The following MED13 variants were observed in gnomAD, a reference collection of about 807,000 sequenced individuals.
The protein encoded by MED13 is mediator complex subunit 13.
MED13 carries 23 observed loss-of-function variants against 225.2 expected under a neutral mutation model. That is an observed-to-expected ratio of 0.10 (90% CI 0.07 to 0.14). The LOEUF is 0.14. MED13 is among the 10% of genes least tolerant of loss of function. MED13 has a pLI of 1.00. For missense variants in MED13, 2,197 were observed against 2,594.5 expected (o/e 0.85, Z 3.33); for synonymous variants, 942 against 889.2 (o/e 1.06, Z -1.06).
rs942639453 is a variant in MED13, at chr17:61,992,453, A to C, written c.2263+87T>G. 1.3e-5 allele frequency: 10 copies of C among 762,290 alleles called. No homozygotes were observed. The African/African-American group carries it at 1.7e-4, about 13-fold the overall frequency. 47.2% of individuals were successfully genotyped at this position (762,290 alleles called of 1,614,324 possible). ...ATGAAACATAATGAATTATACAAAAAGGAACATTAGAAGTCCAACAATATC... is the reference window on the plus strand; with the variant it reads ...ATGAAACATAATGAATTATACAAAACGGAACATTAGAAGTCCAACAATATC... On this transcript the variant is annotated intron_variant, in intron 11 of 29. Coordinates refer to ENST00000397786, the MANE Select transcript of MED13 (RefSeq NM_005121.3).
At chr17:62,032,339 T>C (rs1397382974) in intron 5 of MED13, 1 of 152,022 alleles carries the variant, frequency 6.6e-6, no homozygotes, top group Admixed American at 6.6e-5. Context: ...CTGGGCGTGG[T>C]GGCAGGCACC....
At position 61,946,384 on chromosome 17, in the gene MED13, C is replaced by A. The variant is rs1423925369; in HGVS notation, c.*84G>T. 2.0e-6 allele frequency: 3 copies of A among 1,485,890 alleles called. No individual in the cohort carries two copies. The highest frequency in any genetic ancestry group is 2.8e-5 in the African/African-American group (2 of 71,160). 92.0% of individuals were successfully genotyped at this position (1,485,890 alleles called of 1,614,324 possible). A position where few individuals can be genotyped will look rare whatever the true frequency, so the allele number is the denominator to read the frequency against. On this transcript the variant is annotated 3_prime_UTR_variant, in exon 30 of 30. Coordinates refer to ENST00000397786, the MANE Select transcript of MED13 (RefSeq NM_005121.3). ...TAGACCCCATCACAAATGACCTTCA[C>A]TGAGAAGATAATTGTAACTTAATCC...
intron 8 of MED13, among the ~76,000 whole-genome samples, chr17:62,014,295 G>T (rs2080540291): frequency 7.4e-6 from 1 of 135,314 alleles, no homozygotes; most frequent in Admixed American, 7.0e-5. Context: ...ATGATGGGAA[G>T]TTCTGTATAT....
chr17:61,996,005 C>T (rs1312460145), intron 9 of MED13, among the ~76,000 whole-genome samples: 7 of 152,142 alleles, frequency 4.6e-5, no homozygotes, highest in Non-Finnish European at 8.8e-5. Context: ...TGGTTCAACA[C>T]AGCAACTAAG....
At chr17:62,064,952 G>A (rs2081069600) in intron 1 of MED13, among the ~76,000 whole-genome samples, 188 bp downstream of exon 1, 1 of 152,206 alleles carries the variant, frequency 6.6e-6, no homozygotes, top group Non-Finnish European at 1.5e-5. Flanking sequence ...CCCCTAAACA[G>A]AGCCCGGGAC....
chr17:62,014,963 C>T (rs1028020155), intron 8 of MED13, among the ~76,000 whole-genome samples: 1 of 152,096 alleles, frequency 6.6e-6, no homozygotes, highest in Admixed American at 6.6e-5. Context: ...TTAAATTACA[C>T]TGAAAGAAGT....
chr17:62,031,646 G>GA lies in MED13; in HGVS notation c.815-9dup, dbSNP rs756592948. The GA allele has an allele frequency of 2.0e-6, 3 of 1,517,586 alleles. No individual in the cohort carries two copies. The highest frequency in any genetic ancestry group is 1.8e-6 in the Non-Finnish European group (2 of 1,131,174). 94.0% of individuals were successfully genotyped at this position (1,517,586 alleles called of 1,614,324 possible). On this transcript the variant is annotated splice_polypyrimidine_tract_variant and intron_variant, in intron 5 of 29. Coordinates refer to ENST00000397786, the MANE Select transcript of MED13 (RefSeq NM_005121.3). ...AGATCATTCGGACACCAGCTGAAAGGAAAAAAATGGGACAGGAAAACCAAT... is the reference window on the plus strand; with the variant it reads ...AGATCATTCGGACACCAGCTGAAAGGAAAAAAAATGGGACAGGAAAACCAAT...
intron 22 of MED13, 81 bp from the exon 23 acceptor site, chr17:61,961,171 C>T: frequency 8.5e-7 from 1 of 1,170,616 alleles, no homozygotes; most frequent in Non-Finnish European, 1.2e-6. Flanking sequence ...TCTTATCTAC[C>T]CAATTATAAG....
Position 61,995,275 on chromosome 17 carries a change from T to C in MED13, c.2058A>G (p.Ala686=), listed in dbSNP as rs1289939383. Reference sequence around the variant, plus strand: ...TTTTAGGTTCTTGTTCTGCATCAGATGCTATTGCTGAAAGACACTGGTTTT... The same window carrying C: ...TTTTAGGTTCTTGTTCTGCATCAGACGCTATTGCTGAAAGACACTGGTTTT... The part of the protein sequence containing the change: ...QIKNQCLSAI[A]SDAEQEPKID... Residue 686 remains alanine (A), a synonymous_variant, in exon 10 of 30, where the codon GCA becomes GCG. Coordinates refer to ENST00000397786, the MANE Select transcript of MED13 (RefSeq NM_005121.3). The C allele has an allele frequency of 6.2e-7, 1 of 1,613,720 alleles. No homozygotes were observed. Among genetic ancestry groups the C allele is most frequent in the African/African-American group, 1.3e-5 (1 of 74,926 alleles).
chr17:62,030,375 G>C (rs929033335), intron 6 of MED13: 3 of 161,834 alleles, frequency 1.9e-5, no homozygotes, highest in African/African-American at 7.2e-5. Context: ...ACATCATCAA[G>C]GTCAGAGGCT....
At chr17:62,057,482 CCACAT>C (rs1205904470) in intron 2 of MED13, among the ~76,000 whole-genome samples, 3 of 152,158 alleles carry the variant, frequency 2.0e-5, no homozygotes, top group African/African-American at 7.2e-5. Flanking sequence ...AAGAGTCGGG[CCACAT>C]CACAAGTAAA....
In MED13 at chr17:61,950,828, A is replaced by C. The variant is rs1214953375; in HGVS notation, c.6288T>G (p.Leu2096=). The C allele has an allele frequency of 6.2e-7, 1 of 1,608,992 alleles. No homozygotes were observed. Among genetic ancestry groups the C allele is most frequent in the Non-Finnish European group, 8.5e-7 (1 of 1,177,560 alleles). ...PQAQYQCPLF[L]KASLHLHVPS... is the part of the protein sequence containing the mutation. Reference sequence around the variant, plus strand: ...ACTGGGACAGAAATGGCAATACCTTAAGAAAAAGGGGACACTGATATTGTG... The same window carrying C: ...ACTGGGACAGAAATGGCAATACCTTCAGAAAAAGGGGACACTGATATTGTG... The change falls in exon 28 of 30, where the codon CTT becomes CTG. Residue 2096 remains leucine (L), a synonymous_variant. Transcript: ENST00000397786.
chr17:61,957,887 C>T (rs531031548), intron 23 of MED13, among the ~76,000 whole-genome samples: 4 of 152,084 alleles, frequency 2.6e-5, no homozygotes, highest in Admixed American at 6.6e-5. Context: ...TCTTTTGAGA[C>T]GGAGTCTCAC....
chr17:62,016,892 C>A (rs1409167836), intron 8 of MED13, among the ~76,000 whole-genome samples: 1 of 151,920 alleles, frequency 6.6e-6, no homozygotes, highest in Admixed American at 6.6e-5. Flanking sequence ...CGCCTGTAAT[C>A]CCAACTACTC....
Position 62,029,910 on chromosome 17 carries a change from T to A in MED13, c.1113A>T (p.Leu371Phe). 1 of 1,614,120 alleles carries A rather than the reference T, an allele frequency of 6.2e-7. No homozygotes were observed. The highest frequency in any genetic ancestry group is 8.5e-7 in the Non-Finnish European group (1 of 1,180,014). ...SHHGGKIPRK[L>F]ANHVVDRVWQ... ...AAACTCTATCCACCACATGATTTGC[T>A]AATTTTCTGGGTATTTTCCCACCAT... The change falls in exon 7 of 30, where the codon TTA becomes TTT. Residue 371 changes from leucine (L) to phenylalanine (F), a missense_variant. By Grantham distance (22) the Leu-to-Phe change is conservative. Transcript: ENST00000397786.
chr17:62,025,318 C>T (rs918263138), intron 8 of MED13, among the ~76,000 whole-genome samples: 2 of 152,182 alleles, frequency 1.3e-5, no homozygotes, highest in African/African-American at 4.8e-5. Flanking sequence ...TTTCACACAA[C>T]TTTCACATAC....
In MED13 at chr17:61,982,932, G is replaced by C. The variant is rs1389647009; in HGVS notation, c.3071C>G (p.Ala1024Gly). ...TPRTPRTPRG[A>G]GGPASAQGSV... ...ACCTTGAGCACTAGCAGGTCCACCA[G>C]CTCCACGAGGAGTCCGAGGAGTCCT... Residue 1024 changes from alanine (A) to glycine (G), a missense_variant, in exon 16 of 30, where the codon GCT becomes GGT. Ala to Gly is a moderately conservative substitution (Grantham distance 60). Around this residue, in one of 12 missense-constraint regions of MED13, gnomAD observed 99 missense variants for 158.5 expected, o/e 0.62. Transcript: ENST00000397786. The C allele has an allele frequency of 1.2e-6, 2 of 1,614,208 alleles. No homozygotes were observed. The highest frequency in any genetic ancestry group is 1.7e-6 in the Non-Finnish European group (2 of 1,180,036).
chr17:61,997,428 G>A (rs2080355953), intron 9 of MED13, among the ~76,000 whole-genome samples: 2 of 152,132 alleles, frequency 1.3e-5, no homozygotes, highest in South Asian at 4.1e-4. Flanking sequence ...TGAGTATCAA[G>A]TGTAGTTTTT....
At chr17:61,988,072 G>C (rs973341824) in intron 11 of MED13, among the ~76,000 whole-genome samples, 18 of 151,904 alleles carry the variant, frequency 1.2e-4, no homozygotes, top group Non-Finnish European at 2.6e-4. Flanking sequence ...AAATGTAAAC[G>C]AAGAACAGAA....
Sources: gnomAD v4.1 joint callset for allele counts (sites outside exome capture counted in the v4.1 genomes callset) on GRCh38, gnomAD v4.1.1 for gene constraint, gnomAD v4.1.1 regional missense constraint, MANE v1.5 for transcripts, NCBI Gene and HGNC (gene_info 2026-07-23, HGNC 2026-07-21) for gene names.